Variants in NSUN4 observed in about 807,000 individuals in gnomAD.
The protein encoded by NSUN4 is NOP2/Sun RNA methyltransferase 4.
A neutral mutation model predicts 43.8 loss-of-function variants in NSUN4; 31 were observed. That is an observed-to-expected ratio of 0.71 (90% CI 0.53 to 0.96). The LOEUF (loss-of-function observed/expected upper bound fraction) is 0.96, where lower values mean the gene tolerates loss of function less well. Among genes scored for constraint, NSUN4 ranks in the 40% least tolerant of loss-of-function variants. The pLI is 0.00. For missense variants in NSUN4, 439 were observed against 475.6 expected (o/e 0.92, Z 0.72); for synonymous variants, 167 against 184.1 (o/e 0.91, Z 0.75).
the NSUN4 span, among the ~76,000 whole-genome samples, chr1:46,371,422 C>G: frequency 6.6e-6 from 1 of 152,096 alleles, no homozygotes; most frequent in Admixed American, 6.5e-5. Context: ...TCTCCTGCCT[C>G]AGCCTCCCGA....
At chr1:46,382,606 C>CTTTT in the NSUN4 span, among the ~76,000 whole-genome samples, 2 of 142,396 alleles carry the variant, frequency 1.4e-5, no homozygotes. Context: ...AAAAATGCTT[C>CTTTT]TTTTTTTTTT....
downstream of NSUN4, among the ~76,000 whole-genome samples, chr1:46,367,027 C>T (rs1330265709): frequency 6.6e-6 from 1 of 152,060 alleles, no homozygotes; most frequent in Admixed American, 6.6e-5. Context: ...CAAAAAACAC[C>T]ATAGCATTTT....
rs1023409140 is a variant in NSUN4, at chr1:46,343,564, G to A, written c.94-1237G>A. 103 of 400,146 alleles carry A rather than the reference G, an allele frequency of 2.6e-4. 1 individual carries two copies. Among genetic ancestry groups the A allele is most frequent in the Non-Finnish European group, 8.8e-5 (20 of 226,580 alleles). The allele number at this position is 400,146 out of a possible 1,614,324, so 24.8% of individuals were successfully genotyped here. ...AGGAGTTCCCACCAAAGCCAAAGCC[G>A]GAGCCAAAGCAAGAGTCCCCATGAT... On this transcript the variant is annotated intron_variant, in intron 1 of 5. Coordinates refer to ENST00000474844, the MANE Select transcript of NSUN4 (RefSeq NM_199044.4).
chr1:46,379,505 C>G, the NSUN4 span, among the ~76,000 whole-genome samples: 1 of 152,140 alleles, frequency 6.6e-6, no homozygotes, highest in Non-Finnish European at 1.5e-5. Context: ...GTCCCAGCTA[C>G]TTGGGTGGCT....
the NSUN4 span, among the ~76,000 whole-genome samples, chr1:46,381,982 A>G: frequency 6.6e-6 from 1 of 152,192 alleles, no homozygotes; most frequent in Non-Finnish European, 1.5e-5. Context: ...ACCTTGCTTA[A>G]CATACTCAAG....
the NSUN4 span, among the ~76,000 whole-genome samples, chr1:46,381,586 C>G: frequency 6.6e-6 from 1 of 152,198 alleles, no homozygotes; most frequent in African/African-American, 2.4e-5. Context: ...AATCTTGGCC[C>G]TACTCACAAC....
chr1:46,367,763 CTTTTTTT>C (rs35109012), downstream of NSUN4, among the ~76,000 whole-genome samples: 122 of 124,620 alleles, frequency 9.8e-4, no homozygotes, highest in Non-Finnish European at 1.5e-3. Flanking sequence ...TCTGAAATTT[CTTTTTTT>C]TTTTTTTTTT....
chr1:46,353,111 C>A, intron 4 of NSUN4, 83 bp downstream of exon 4: 1 of 1,306,172 alleles, frequency 7.7e-7, no homozygotes, highest in Non-Finnish European at 1.1e-6. Flanking sequence ...GGTTAGGATC[C>A]AGCCCCTATG....
At chr1:46,349,859 A>G (rs767981922) in intron 3 of NSUN4, among the ~76,000 whole-genome samples, 1 of 152,182 alleles carries the variant, frequency 6.6e-6, no homozygotes, top group Non-Finnish European at 1.5e-5. Context: ...GAGTAAGGGT[A>G]GGGTTACTTG....
At chr1:46,353,362 T>G (rs535394846) in intron 4 of NSUN4, among the ~76,000 whole-genome samples, 42 of 152,342 alleles carry the variant, frequency 2.8e-4, no homozygotes, top group South Asian at 2.5e-3. Context: ...TATTTTTGAA[T>G]GTTAGTACAG....
At chr1:46,370,351 C>T in the NSUN4 span, among the ~76,000 whole-genome samples, 3 of 152,150 alleles carry the variant, frequency 2.0e-5, no homozygotes, top group Admixed American at 6.5e-5. Context: ...TCTGAATTAT[C>T]GCTCACAACC....
At chr1:46,344,747 T>G in intron 1 of NSUN4, 54 bp from the exon 2 acceptor site, 1 of 1,497,412 alleles carries the variant, frequency 6.7e-7, no homozygotes, top group Non-Finnish European at 9.2e-7. Context: ...GGTCAGGTAG[T>G]AGGGGGTAGA....
intron 4 of NSUN4, 63 bp downstream of exon 4, chr1:46,353,091 G>A: frequency 6.7e-7 from 1 of 1,484,394 alleles, no homozygotes; most frequent in Non-Finnish European, 9.4e-7. Context: ...CCTGGTTCTA[G>A]GGCCTGAGGG....
chr1:46,351,088 G>A (rs545810871), intron 3 of NSUN4, among the ~76,000 whole-genome samples: 86 of 152,300 alleles, frequency 5.6e-4, no homozygotes, highest in African/African-American at 1.3e-3. Flanking sequence ...AGGCTTAGCC[G>A]GGTGTGGTGG....
chr1:46,344,946 T>C lies in NSUN4; in HGVS notation c.239T>C (p.Phe80Ser). ...AAGTATGGTGCACTGGTCAATAACT[T>C]TGCTGCCTGGGATCATGTAAGTGCT... is the stretch of plus-strand genomic sequence containing the variant. ...EQKYGALVNN[F>S]AAWDHVSAKL... Residue 80 changes from phenylalanine (F) to serine (S), a missense_variant, in exon 2 of 6, where the codon TTT becomes TCT. Coordinates refer to ENST00000474844, the MANE Select transcript of NSUN4 (RefSeq NM_199044.4). 2.5e-6 allele frequency: 4 copies of C among 1,614,214 alleles called. No individual in the cohort carries two copies. Among genetic ancestry groups the C allele is most frequent in the Non-Finnish European group, 3.4e-6 (4 of 1,180,036 alleles).
At chr1:46,376,096 TAAAAAAAAA>T in the NSUN4 span, among the ~76,000 whole-genome samples, 117 of 40,898 alleles carry the variant, frequency 2.9e-3, no homozygotes, top group Middle Eastern at 0.056. Flanking sequence ...AGAGCGAAAC[TAAAAAAAAA>T]AAAAAAAAAA....
intron 1 of NSUN4, 145 bp downstream of exon 1, chr1:46,341,064 C>T: frequency 5.3e-6 from 6 of 1,139,764 alleles, no homozygotes; most frequent in Non-Finnish European, 7.3e-6. Flanking sequence ...TCGTCTTTTC[C>T]GTCACCGCCT....
rs574103332 is a variant in NSUN4, at chr1:46,364,318, G to A, written c.*2472G>A. The A allele has an allele frequency of 8.5e-6, 1 of 117,262 alleles. No individual in the cohort carries two copies. The highest frequency in any genetic ancestry group is 3.4e-4 in the South Asian group (1 of 2,906). 7.3% of individuals were successfully genotyped at this position (117,262 alleles called of 1,614,324 possible). On this transcript the variant is annotated 3_prime_UTR_variant, in exon 6 of 6. Transcript: ENST00000474844. ...ACTGCACTCCAGCCAGGGTGACAGAGTGAGACTCTGTCTCAAAAAAAAAAA... is the reference window on the plus strand; with the variant it reads ...ACTGCACTCCAGCCAGGGTGACAGAATGAGACTCTGTCTCAAAAAAAAAAA...
At chr1:46,346,845 ATAGACTTGGTGGCC>A in intron 2 of NSUN4, 62 bp from the exon 3 acceptor site, 1 of 1,249,252 alleles carries the variant, frequency 8.0e-7, no homozygotes, top group Non-Finnish European at 1.1e-6. Context: ...CCCAGAGGGC[ATAGACTTGGTGGCC>A]TAGACTCCCA....
Sources: gnomAD v4.1 joint callset for allele counts (sites outside exome capture counted in the v4.1 genomes callset) on GRCh38, gnomAD v4.1.1 for gene constraint, MANE v1.5 for transcripts, NCBI Gene and HGNC (gene_info 2026-07-23, HGNC 2026-07-21) for gene names.